The following CNTN1 variants were observed in gnomAD, a reference collection of about 807,000 sequenced individuals.
CNTN1 encodes contactin 1, also known as contactin-1.
In CNTN1, 38 loss-of-function variants were observed where a neutral mutation model predicts 126.4. The ratio of observed to expected loss-of-function variants is 0.30; its 90% CI spans 0.23 to 0.39. The LOEUF (loss-of-function observed/expected upper bound fraction) is 0.39, where lower values mean the gene tolerates loss of function less well. Ranked by LOEUF, CNTN1 falls within the 10% of genes least tolerant of loss-of-function variation. CNTN1 has a pLI of 1.00. For synonymous variants in CNTN1, 413 were observed against 422.6 expected, an observed-to-expected ratio of 0.98 and a Z score of 0.28; for missense variants, 1,009 against 1,248.4, an observed-to-expected ratio of 0.81 and a Z score of 2.89.
chr12:40,883,973 G>A (rs1245853370), intron 1 of CNTN1, among the ~76,000 whole-genome samples: 2 of 151,340 alleles, frequency 1.3e-5, no homozygotes, highest in African/African-American at 4.8e-5. Context: ...AGGAAAATGT[G>A]GATATACAAA....
At chr12:40,992,316 C>T (rs545067711) in intron 16 of CNTN1, among the ~76,000 whole-genome samples, 1 of 152,162 alleles carries the variant, frequency 6.6e-6, no homozygotes, top group South Asian at 2.1e-4. Flanking sequence ...TATTCATGGT[C>T]TACATTGCCA....
intron 17 of CNTN1, among the ~76,000 whole-genome samples, chr12:41,011,863 A>C (rs1324498602): frequency 6.6e-6 from 1 of 152,198 alleles, no homozygotes; most frequent in African/African-American, 2.4e-5. Context: ...ATTAAGTACC[A>C]TTCTAATTGG....
In CNTN1 at chr12:40,919,175, G is replaced by A. The variant is rs546314366; in HGVS notation, c.227+404G>A. On this transcript the variant is annotated intron_variant, in intron 4 of 23. Coordinates refer to ENST00000551295, the MANE Select transcript of CNTN1 (RefSeq NM_001843.4). ...AGATATGGATAAATTTTTATATTAAGTACATTTAAAGATCTTGCACAAATA... is the reference window on the plus strand; with the variant it reads ...AGATATGGATAAATTTTTATATTAAATACATTTAAAGATCTTGCACAAATA... Among the ~76,000 whole-genome samples the A allele has an allele frequency of 2.6e-5, 4 of 152,180 alleles. No homozygotes were observed. The East Asian group carries it at 7.7e-4, about 29-fold the overall frequency.
intron 1 of CNTN1, among the ~76,000 whole-genome samples, chr12:40,828,983 T>A (rs533221907): frequency 2.6e-5 from 4 of 152,280 alleles, no homozygotes; most frequent in Non-Finnish European, 4.4e-5. Context: ...CTTGTTTTTT[T>A]AAAAATTACC....
intron 1 of CNTN1, among the ~76,000 whole-genome samples, chr12:40,842,351 T>C (rs919711594): frequency 9.2e-5 from 14 of 152,054 alleles, no homozygotes; most frequent in Non-Finnish European, 1.5e-4. Flanking sequence ...AAATTGTAGT[T>C]AACAATAATT....
At chr12:41,064,462 C>A (rs895547207) in intron 23 of CNTN1, among the ~76,000 whole-genome samples, 1 of 152,164 alleles carries the variant, frequency 6.6e-6, no homozygotes, top group African/African-American at 2.4e-5. Context: ...AGGTCTAGAA[C>A]AAGAAATAAA....
chr12:40,899,437 T>C (rs1944529398), intron 1 of CNTN1, among the ~76,000 whole-genome samples: 1 of 152,216 alleles, frequency 6.6e-6, no homozygotes, highest in Admixed American at 6.5e-5. Context: ...TATTATGATA[T>C]GGCAAAATGA....
In CNTN1 at chr12:40,902,217, A is replaced by C. The variant is rs151019492; in HGVS notation, c.-76-6140A>C. On this transcript the variant is annotated intron_variant, in intron 1 of 23. Transcript: ENST00000551295. The stretch of plus-strand genomic sequence containing the variant: ...CACACACACATATCCATATACATGC[A>C]TTACCTAAACCTCACAATAACACTC... Among the ~76,000 whole-genome samples the C allele has an allele frequency of 4.9e-3, 752 of 152,320 alleles. 5 individuals carry two copies. The highest frequency in any genetic ancestry group is 0.017 in the African/African-American group (706 of 41,574).
chr12:40,990,276 C>T (rs533946065), intron 16 of CNTN1, among the ~76,000 whole-genome samples: 1 of 152,266 alleles, frequency 6.6e-6, no homozygotes, highest in South Asian at 2.1e-4. Flanking sequence ...GGTGGGAATA[C>T]TATTTTTAAA....
chr12:40,887,800 G>A (rs1268331926), intron 1 of CNTN1, among the ~76,000 whole-genome samples: 3 of 152,096 alleles, frequency 2.0e-5, no homozygotes, highest in Non-Finnish European at 4.4e-5. Flanking sequence ...TTAAGAAAAT[G>A]TGGCGCGTAT....
intron 23 of CNTN1, among the ~76,000 whole-genome samples, chr12:41,059,611 C>T (rs1236700998): frequency 6.6e-6 from 1 of 152,132 alleles, no homozygotes; most frequent in Non-Finnish European, 1.5e-5. Flanking sequence ...GGTCCCTAAT[C>T]TGTAAATACA....
At chr12:40,856,842 G>A (rs751913665) in intron 1 of CNTN1, among the ~76,000 whole-genome samples, 4 of 151,952 alleles carry the variant, frequency 2.6e-5, no homozygotes, top group Non-Finnish European at 5.9e-5. Flanking sequence ...GCATAGTTCC[G>A]AGAAACAACC....
intron 17 of CNTN1, among the ~76,000 whole-genome samples, chr12:40,999,176 C>T (rs1566114747): frequency 6.6e-6 from 1 of 152,026 alleles, no homozygotes; most frequent in East Asian, 1.9e-4. Context: ...AGATCTATGA[C>T]TGAAATACAG....
intron 1 of CNTN1, among the ~76,000 whole-genome samples, chr12:40,694,168 T>A (rs1239409206): frequency 6.6e-6 from 1 of 152,206 alleles, no homozygotes; most frequent in African/African-American, 2.4e-5. Flanking sequence ...TTTGGGGATC[T>A]GGGAATGGAT....
rs557659222 is a variant in CNTN1, at chr12:40,699,265, T to C, written c.-77+6673T>C. ...TCTGAAGAAATGAATAAAAGAAGGT[T>C]AAGACTAAATTAGTTTTTAGGATTT... is the stretch of plus-strand genomic sequence containing the variant. On this transcript the variant is annotated intron_variant, in intron 1 of 23. Coordinates refer to ENST00000551295, the MANE Select transcript of CNTN1 (RefSeq NM_001843.4). 2.0e-5 allele frequency among the ~76,000 whole-genome samples: 3 copies of C among 152,332 alleles called. No homozygotes were observed. The South Asian group carries it at 6.2e-4, about 32-fold the overall frequency.
chr12:40,738,926 A>G (rs12314733), intron 1 of CNTN1, among the ~76,000 whole-genome samples: 6,947 of 152,146 alleles, frequency 0.046, 180 homozygotes, highest in Middle Eastern at 0.065. Flanking sequence ...TCATAGGTTC[A>G]CAGAAGATTC....
intron 1 of CNTN1, among the ~76,000 whole-genome samples, chr12:40,860,379 T>C (rs969247881): frequency 1.3e-5 from 2 of 152,144 alleles, no homozygotes; most frequent in Non-Finnish European, 2.9e-5. Flanking sequence ...AACTGGGTGT[T>C]CAACAATTCA....
chr12:41,060,989 C>G (rs539498023), intron 23 of CNTN1, among the ~76,000 whole-genome samples: 3 of 152,204 alleles, frequency 2.0e-5, no homozygotes, highest in Admixed American at 2.0e-4. Flanking sequence ...ATTAGACTCC[C>G]AATTTTACAA....
chr12:40,865,937 C>G (rs1314915322), intron 1 of CNTN1, among the ~76,000 whole-genome samples: 1 of 151,976 alleles, frequency 6.6e-6, no homozygotes. Context: ...TATATTAAGT[C>G]TTCTGAACAA....
Sources: allele counts gnomAD v4.1 joint callset (sites outside exome capture counted in the v4.1 genomes callset), GRCh38; gene constraint gnomAD v4.1.1; transcripts MANE v1.5; gene names NCBI Gene and HGNC (gene_info 2026-07-23, HGNC 2026-07-21).